PCDH11X: variants seen among roughly 807,000 people sequenced by gnomAD.
PCDH11X encodes protocadherin-11 X-linked.
Under a neutral mutation model 53.3 loss-of-function variants are expected in PCDH11X, and 18 were observed. That is an observed-to-expected ratio of 0.34 (90% CI 0.23 to 0.50). PCDH11X has a LOEUF of 0.50. PCDH11X is among the 20% of genes least tolerant of loss of function. The probability of loss-of-function intolerance (pLI) is 0.98; values close to 1 mark genes in which losing one functional copy is unlikely to be tolerated. For missense variants in PCDH11X, 570 were observed against 1,032.4 expected, an observed-to-expected ratio of 0.55 and a Z score of 6.14; for synonymous variants, 279 against 393.3, an observed-to-expected ratio of 0.71 and a Z score of 3.44.
intron 7 of PCDH11X, among the ~76,000 whole-genome samples, chrX:92,208,281 C>T (rs1177108236): frequency 9.8e-6 from 1 of 102,235 alleles, no homozygotes; most frequent in Non-Finnish European, 2.0e-5. Flanking sequence ...GCATTTAAAA[C>T]ATTAACTCAT....
intron 9 of PCDH11X, among the ~76,000 whole-genome samples, chrX:92,393,472 C>G (rs1455659212): frequency 9.1e-6 from 1 of 110,475 alleles, no homozygotes; most frequent in Non-Finnish European, 1.9e-5. Flanking sequence ...AGGTTGAACT[C>G]CATGGCCCCG....
chrX:91,792,487 A>G (rs1935587587), intron 1 of PCDH11X, among the ~76,000 whole-genome samples: 1 of 110,552 alleles, frequency 9.0e-6, no homozygotes. Flanking sequence ...GACTTGAAGA[A>G]TAGATTTTAA....
At position 92,148,176 on chromosome X, in the gene PCDH11X, CTTT is replaced by C. The variant is rs1482377561; in HGVS notation, c.3034-53198_3034-53196del. Among the ~76,000 whole-genome samples, 105 of 43,731 alleles carry C rather than the reference CTTT, an allele frequency of 2.4e-3. 20 individuals carry two copies. Among genetic ancestry groups the C allele is most frequent in the African/African-American group, 9.9e-3 (101 of 10,153 alleles). 38.0% of individuals were successfully genotyped at this position (43,731 alleles called of 115,157 possible). A position where few individuals can be genotyped will look rare whatever the true frequency, so the allele number is the denominator to read the frequency against. On this transcript the variant is annotated intron_variant, in intron 6 of 10. Coordinates refer to ENST00000682573, the MANE Select transcript of PCDH11X (RefSeq NM_032968.5). ...TCCTTCCTTCCTTCCTTCCTTCCTT[CTTT>C]CTTTCTTTCTTTCTTTCTTTCTTTC...
chrX:92,265,042 G>C (rs1264022775), intron 8 of PCDH11X, among the ~76,000 whole-genome samples: 1 of 109,366 alleles, frequency 9.1e-6, no homozygotes, highest in Non-Finnish European at 1.9e-5. Flanking sequence ...AGGTCAAGAA[G>C]GGTAAGCAAG....
Position 92,022,183 on chromosome X carries a change from A to G in PCDH11X, c.3033+142910A>G, listed in dbSNP as rs1186372500. The stretch of plus-strand genomic sequence containing the variant: ...TCACCCATAACAATATTAACCTTAA[A>G]GGTAAATGGGCTAAATGCCCCAATT... On this transcript the variant is annotated intron_variant, in intron 6 of 10. Transcript: ENST00000682573. Among the ~76,000 whole-genome samples, 71 of 108,658 alleles carry G rather than the reference A, an allele frequency of 6.5e-4. 2 individuals are homozygous for G. The highest frequency in any genetic ancestry group is 2.4e-3 in the African/African-American group (70 of 29,757). 94.4% of individuals were successfully genotyped at this position (108,658 alleles called of 115,157 possible). A position where few individuals can be genotyped will look rare whatever the true frequency, so the allele number is the denominator to read the frequency against.
chrX:92,102,504 A>G (rs896236730), intron 6 of PCDH11X, among the ~76,000 whole-genome samples: 3 of 111,287 alleles, frequency 2.7e-5, no homozygotes, highest in African/African-American at 9.8e-5. Context: ...ATCGGACACG[A>G]TCAGCAGGGA....
At chrX:91,942,662 T>A (rs773539827) in intron 6 of PCDH11X, among the ~76,000 whole-genome samples, 44 of 111,040 alleles carry the variant, frequency 4.0e-4, no homozygotes, top group African/African-American at 1.4e-3. Flanking sequence ...CCATAAAAAA[T>A]TTTTCTGACA....
intron 8 of PCDH11X, among the ~76,000 whole-genome samples, chrX:92,328,991 C>A (rs764994094): frequency 8.1e-5 from 9 of 111,002 alleles, no homozygotes; most frequent in Non-Finnish European, 1.5e-4. Context: ...GAGAAGAAAG[C>A]TTGCACACCA....
rs796728381 is a variant in PCDH11X at position 91,824,436 on chromosome X, C to T, written c.-44-11025C>T. ...TCATTTCATTCATTTCATCTTCCAT[C>T]GCTGATACCCTTTCTTCCAGTTGAT... On this transcript the variant is annotated intron_variant, in intron 4 of 10. Coordinates refer to ENST00000682573, the MANE Select transcript of PCDH11X (RefSeq NM_032968.5). 9.6e-4 allele frequency among the ~76,000 whole-genome samples: 106 copies of T among 110,683 alleles called. No homozygotes were observed. In the South Asian group the frequency reaches 0.031, roughly 32 times the overall value.
chrX:92,353,573 A>G (rs1321747251), intron 8 of PCDH11X, among the ~76,000 whole-genome samples: 1 of 110,871 alleles, frequency 9.0e-6, no homozygotes, highest in African/African-American at 3.3e-5. Flanking sequence ...TCATTCAGGA[A>G]TGACTCAGAG....
In PCDH11X at chrX:91,838,405, T is replaced by C. The variant is rs1937380572; in HGVS notation, c.540+2361T>C. Among the ~76,000 whole-genome samples, 3 of 111,719 alleles carry C rather than the reference T, an allele frequency of 2.7e-5. No individual in the cohort carries two copies. The South Asian group carries it at 1.1e-3, about 42-fold the overall frequency. On this transcript the variant is annotated intron_variant, in intron 5 of 10. Transcript: ENST00000682573. ...ATGATGTGCCTAAAGTACTGGGGCA[T>C]TTGTGTGGCCCCGTGGACAAATACT... is the stretch of plus-strand genomic sequence containing the variant.
At chrX:92,522,608 A>G (rs1350097950) in intron 10 of PCDH11X, among the ~76,000 whole-genome samples, 2 of 112,008 alleles carry the variant, frequency 1.8e-5, no homozygotes, top group Admixed American at 1.9e-4. Flanking sequence ...TATGTAAAAA[A>G]CACATCTGTA....
At chrX:91,975,282 C>A (rs1190082009) in intron 6 of PCDH11X, among the ~76,000 whole-genome samples, 1 of 111,899 alleles carries the variant, frequency 8.9e-6, no homozygotes, top group Non-Finnish European at 1.9e-5. Flanking sequence ...ATAGAGATGT[C>A]AAGATGACAC....
intron 8 of PCDH11X, among the ~76,000 whole-genome samples, chrX:92,289,916 T>A (rs1432234591): frequency 8.9e-6 from 1 of 111,777 alleles, no homozygotes; most frequent in Non-Finnish European, 1.9e-5. Context: ...CATATTTTCC[T>A]AAATCATATA....
At chrX:91,824,596 T>G (rs1936835330) in intron 4 of PCDH11X, among the ~76,000 whole-genome samples, 1 of 103,755 alleles carries the variant, frequency 9.6e-6, no homozygotes, top group Admixed American at 1.0e-4. Flanking sequence ...TTCAAAGTTT[T>G]CAACTTCTTT....
intron 10 of PCDH11X, among the ~76,000 whole-genome samples, chrX:92,502,882 G>T (rs1214998548): frequency 3.6e-5 from 4 of 111,098 alleles, no homozygotes; most frequent in Non-Finnish European, 7.5e-5. Context: ...AAGAGCTTCT[G>T]CACAGCAAAA....
chrX:92,218,596 A>C (rs1482033211), intron 7 of PCDH11X, among the ~76,000 whole-genome samples: 1 of 111,239 alleles, frequency 9.0e-6, no homozygotes, highest in East Asian at 2.8e-4. Flanking sequence ...AGATGGATTC[A>C]CAGCCGAATT....
chrX:92,106,611 A>T (rs1377356017), intron 6 of PCDH11X, among the ~76,000 whole-genome samples: 1 of 111,993 alleles, frequency 8.9e-6, no homozygotes, highest in Non-Finnish European at 1.9e-5. Context: ...TGATTAAAAT[A>T]TTATAAAAAC....
chrX:92,302,994 GGA>G (rs1477279122), intron 8 of PCDH11X, among the ~76,000 whole-genome samples: 1 of 107,671 alleles, frequency 9.3e-6, no homozygotes, highest in Non-Finnish European at 1.9e-5. Flanking sequence ...GAATACATAA[GGA>G]GAGAAACAAA....
Sources: gnomAD v4.1 joint callset for allele counts (sites outside exome capture counted in the v4.1 genomes callset) on GRCh38, gnomAD v4.1.1 for gene constraint, MANE v1.5 for transcripts, NCBI Gene and HGNC (gene_info 2026-07-23, HGNC 2026-07-21) for gene names.